The following CNTNAP2 variants were observed in gnomAD, a reference collection of about 807,000 sequenced individuals.
The protein encoded by CNTNAP2 is contactin-associated protein-like 2.
In CNTNAP2, 98 loss-of-function variants were observed where a neutral mutation model predicts 155.2. The observed-to-expected ratio is 0.63, with a 90% CI of 0.54 to 0.75. The LOEUF is 0.75. CNTNAP2 is among the 30% of genes least tolerant of loss of function. The pLI, the probability that CNTNAP2 is intolerant of heterozygous loss-of-function variation, is 0.00. For synonymous variants in CNTNAP2, 651 were observed against 631.2 expected (o/e 1.03, Z -0.47); for missense variants, 1,727 against 1,688.1 (o/e 1.02, Z -0.40).
chr7:146,352,761 T>G (rs1484039722), intron 1 of CNTNAP2, among the ~76,000 whole-genome samples: 1 of 129,884 alleles, frequency 7.7e-6, no homozygotes, highest in Non-Finnish European at 1.6e-5. Flanking sequence ...TTTTTTTTTT[T>G]TTTTTTTTTT....
chr7:146,576,047 AAC>A (rs1563141608), intron 1 of CNTNAP2, among the ~76,000 whole-genome samples: 2 of 152,180 alleles, frequency 1.3e-5, no homozygotes, highest in Non-Finnish European at 2.9e-5. Flanking sequence ...GAAAGCAACC[AAC>A]ATCTGTTTGT....
intron 14 of CNTNAP2, among the ~76,000 whole-genome samples, chr7:147,938,788 C>A (rs1041155953): frequency 2.0e-5 from 3 of 152,034 alleles, no homozygotes; most frequent in Non-Finnish European, 4.4e-5. Context: ...CACTAATGAC[C>A]TGAGGCTATT....
At position 146,234,456 on chromosome 7, in the gene CNTNAP2, T is replaced by G. The variant is rs549591061; in HGVS notation, c.97+117483T>G. ...TAGTTTGTTTTGCTGTGCAGAAGCT[T>G]TTTAGTTTAATTAGATCCCATTTGT... On this transcript the variant is annotated intron_variant, in intron 1 of 23. Transcript: ENST00000361727. Among the ~76,000 whole-genome samples, 583 of 151,682 alleles carry G rather than the reference T, an allele frequency of 3.8e-3. 4 individuals carry two copies. Among genetic ancestry groups the G allele is most frequent in the Non-Finnish European group, 6.4e-3 (432 of 67,886 alleles).
intron 21 of CNTNAP2, among the ~76,000 whole-genome samples, chr7:148,305,218 G>A (rs1184827724): frequency 2.2e-5 from 1 of 44,702 alleles, no homozygotes; most frequent in African/African-American, 9.4e-5. Context: ...CCAAGGCCCT[G>A]TCTCAAAAAA....
chr7:147,856,349 G>A (rs890677853), intron 13 of CNTNAP2, among the ~76,000 whole-genome samples: 1 of 152,108 alleles, frequency 6.6e-6, no homozygotes, highest in African/African-American at 2.4e-5. Context: ...ACTCATGTGT[G>A]CCCTGGCACT....
At chr7:147,522,665 T>C (rs1036725815) in intron 11 of CNTNAP2, among the ~76,000 whole-genome samples, 5 of 151,872 alleles carry the variant, frequency 3.3e-5, no homozygotes, top group Admixed American at 2.0e-4. Flanking sequence ...CATCTTCACA[T>C]TTTGGGGGAA....
At chr7:147,211,684 C>G (rs1451528548) in intron 8 of CNTNAP2, among the ~76,000 whole-genome samples, 2 of 151,908 alleles carry the variant, frequency 1.3e-5, no homozygotes, top group Non-Finnish European at 2.9e-5. Flanking sequence ...AATGTAAGAC[C>G]TCAAACTATA....
chr7:147,419,006 T>G (rs1797244447), intron 10 of CNTNAP2, among the ~76,000 whole-genome samples: 1 of 152,198 alleles, frequency 6.6e-6, no homozygotes, highest in African/African-American at 2.4e-5. Context: ...TCAGAAATAC[T>G]GTGGTTCAAA....
intron 10 of CNTNAP2, among the ~76,000 whole-genome samples, chr7:147,444,053 T>C (rs563111428): frequency 6.6e-6 from 1 of 152,352 alleles, no homozygotes; most frequent in South Asian, 2.1e-4. Flanking sequence ...GTTTTGTTCC[T>C]ATCAGTCACT....
chr7:146,477,583 T>C (rs1336234398), intron 1 of CNTNAP2, among the ~76,000 whole-genome samples: 1 of 150,586 alleles, frequency 6.6e-6, no homozygotes, highest in Non-Finnish European at 1.5e-5. Context: ...GAACTTGAGC[T>C]TCCTCTATTC....
At chr7:147,485,865 C>A in intron 10 of CNTNAP2, 70 bp from the exon 11 acceptor site, 1 of 1,456,800 alleles carries the variant, frequency 6.9e-7, no homozygotes, top group African/African-American at 1.4e-5. Context: ...GCCCAGACAG[C>A]TTGGAATTTG....
intron 17 of CNTNAP2, among the ~76,000 whole-genome samples, chr7:148,157,208 G>A (rs965875061): frequency 1.3e-5 from 2 of 152,150 alleles, no homozygotes; most frequent in Non-Finnish European, 1.5e-5. Flanking sequence ...AGAGGGTGTT[G>A]AAACCCCAGA....
chr7:147,767,821 T>C (rs1338595886), intron 13 of CNTNAP2, among the ~76,000 whole-genome samples: 1 of 152,088 alleles, frequency 6.6e-6, no homozygotes, highest in Admixed American at 6.6e-5. Flanking sequence ...ACAGTTATAG[T>C]TGCATCATTT....
At position 148,148,129 on chromosome 7, in the gene CNTNAP2, A is replaced by T. The variant is rs993435078; in HGVS notation, c.2773+420A>T. The stretch of plus-strand genomic sequence containing the variant: ...GAGGGAGGAAATGGGCTAAGTTCAG[A>T]TTTTTTTGAAATGATAAATATAAAG... On this transcript the variant is annotated intron_variant, in intron 17 of 23. Coordinates refer to ENST00000361727, the MANE Select transcript of CNTNAP2 (RefSeq NM_014141.6). Among the ~76,000 whole-genome samples the T allele has an allele frequency of 2.0e-5, 3 of 152,090 alleles. No homozygotes were observed. In the South Asian group the frequency reaches 6.2e-4, roughly 32 times the overall value.
At chr7:148,284,592 A>G (rs977593132) in intron 21 of CNTNAP2, among the ~76,000 whole-genome samples, 11 of 151,032 alleles carry the variant, frequency 7.3e-5, no homozygotes, top group African/African-American at 2.4e-4. Flanking sequence ...CTACCCAGGT[A>G]GAGCCTGGTC....
At chr7:148,277,540 T>A (rs1321499981) in intron 21 of CNTNAP2, among the ~76,000 whole-genome samples, 1 of 152,048 alleles carries the variant, frequency 6.6e-6, no homozygotes, top group Non-Finnish European at 1.5e-5. Flanking sequence ...CGGCTTACTC[T>A]TCTTCCCTCT....
At chr7:147,808,367 T>C (rs1798126156) in intron 13 of CNTNAP2, among the ~76,000 whole-genome samples, 1 of 152,176 alleles carries the variant, frequency 6.6e-6, no homozygotes. Flanking sequence ...CAATTCCATC[T>C]CTCATGTATG....
chr7:148,209,856 C>A (rs1795513072), intron 18 of CNTNAP2, among the ~76,000 whole-genome samples: 1 of 152,178 alleles, frequency 6.6e-6, no homozygotes, highest in South Asian at 2.1e-4. Context: ...ATGGTCTCCC[C>A]TGAGGGTTTG....
At chr7:147,013,260 G>A (rs183266449) in intron 3 of CNTNAP2, among the ~76,000 whole-genome samples, 50 of 152,132 alleles carry the variant, frequency 3.3e-4, no homozygotes, top group Non-Finnish European at 6.6e-4. Context: ...GATGTCCCTG[G>A]AATGATGGTT....
Sources: allele counts gnomAD v4.1 joint callset (sites outside exome capture counted in the v4.1 genomes callset), GRCh38; gene constraint gnomAD v4.1.1; transcripts MANE v1.5; gene names NCBI Gene and HGNC (gene_info 2026-07-23, HGNC 2026-07-21).